Variants in NADK2 observed in about 807,000 individuals in gnomAD.
NADK2 encodes NAD kinase 2, mitochondrial.
A neutral mutation model predicts 62.1 loss-of-function variants in NADK2; 35 were observed. The ratio of observed to expected loss-of-function variants is 0.56; its 90% CI spans 0.43 to 0.75. The LOEUF (loss-of-function observed/expected upper bound fraction) is 0.75. Among genes scored for constraint, NADK2 ranks in the 30% least tolerant of loss-of-function variants. NADK2 has a pLI of 0.00. For synonymous variants in NADK2, 205 were observed against 207.9 expected, an observed-to-expected ratio of 0.99 and a Z score of 0.12; for missense variants, 439 against 561.3, an observed-to-expected ratio of 0.78 and a Z score of 2.20.
At chr5:36,207,964 T>C (rs1579606567) in intron 7 of NADK2, among the ~76,000 whole-genome samples, 1 of 152,128 alleles carries the variant, frequency 6.6e-6, no homozygotes, top group Non-Finnish European at 1.5e-5. Context: ...CATAAATGAT[T>C]TGTAACTATT....
At chr5:36,228,129 G>T (rs375025425) in intron 1 of NADK2, among the ~76,000 whole-genome samples, 2 of 151,860 alleles carry the variant, frequency 1.3e-5, no homozygotes, top group Non-Finnish European at 2.9e-5. Context: ...CTAAACAAAG[G>T]GCTGACTAGC....
At position 36,207,162 on chromosome 5, in the gene NADK2, T is replaced by C. The variant is rs768528783; in HGVS notation, c.956+8A>G. 3.7e-6 allele frequency: 6 copies of C among 1,606,524 alleles called. No homozygotes were observed. Among genetic ancestry groups the C allele is most frequent in the Admixed American group, 1.7e-5 (1 of 59,518 alleles). Reference sequence around the variant, plus strand: ...AAAACTTGATAAGCAACATCCCAAGTTACTCACCAGGCCTTTGATCCTGTT... The same window carrying C: ...AAAACTTGATAAGCAACATCCCAAGCTACTCACCAGGCCTTTGATCCTGTT... On this transcript the variant is annotated splice_region_variant and intron_variant, in intron 8 of 11. Coordinates refer to ENST00000381937, the MANE Select transcript of NADK2 (RefSeq NM_001085411.3).
intron 1 of NADK2, among the ~76,000 whole-genome samples, chr5:36,239,038 GT>G (rs1343558576): frequency 7.2e-5 from 11 of 152,038 alleles, no homozygotes; most frequent in African/African-American, 2.7e-4. Flanking sequence ...AAACAGACCT[GT>G]TTTACATCAA....
chr5:36,205,207 A>G lies in NADK2; in HGVS notation c.956+1963T>C, dbSNP rs547107430. On this transcript the variant is annotated intron_variant, in intron 8 of 11. Coordinates refer to ENST00000381937, the MANE Select transcript of NADK2 (RefSeq NM_001085411.3). This position sits in a 1 kb window ranked among gnomAD's most constrained non-coding sequence, Gnocchi z 4.1. ...CTGGGTACTAGCATATTAGATAACT[A>G]ATAATGTAATAGCGGCTATAATAGT... Among the ~76,000 whole-genome samples, 2 of 152,244 alleles carry G rather than the reference A, an allele frequency of 1.3e-5. No homozygotes were observed. Among genetic ancestry groups the G allele is most frequent in the East Asian group, 3.9e-4 (2 of 5,188 alleles).
At chr5:36,215,711 GCTTGA>G (rs1747017596) in intron 6 of NADK2, among the ~76,000 whole-genome samples, 2 of 152,230 alleles carry the variant, frequency 1.3e-5, no homozygotes, top group South Asian at 2.1e-4. Context: ...GTCTTTCTAT[GCTTGA>G]CTTATTTCGC....
At chr5:36,223,166 T>C (rs1475350969) in intron 4 of NADK2, among the ~76,000 whole-genome samples, 1 of 152,054 alleles carries the variant, frequency 6.6e-6, no homozygotes, top group African/African-American at 2.4e-5. Flanking sequence ...CAGGAGAAGT[T>C]TGTCACCCTA....
intron 1 of NADK2, among the ~76,000 whole-genome samples, chr5:36,234,240 G>A (rs1200545432): frequency 4.6e-5 from 7 of 151,340 alleles, no homozygotes; most frequent in Non-Finnish European, 7.4e-5. Context: ...GGGCATGGTG[G>A]CGCGCGCCTG....
chr5:36,209,821 T>C (rs1157342711), intron 7 of NADK2, among the ~76,000 whole-genome samples: 1 of 152,172 alleles, frequency 6.6e-6, no homozygotes, highest in East Asian at 1.9e-4. Context: ...CATCTTTACA[T>C]CCCTAGTGAC....
chr5:36,206,277 G>A (rs1579604183), intron 8 of NADK2, among the ~76,000 whole-genome samples: 1 of 142,510 alleles, frequency 7.0e-6, no homozygotes, highest in Admixed American at 7.3e-5. Flanking sequence ...ATGTACCCTA[G>A]AACTTAAAGT....
At chr5:36,199,831 GAGA>G (rs1028474395) in intron 10 of NADK2, among the ~76,000 whole-genome samples, 3 of 151,952 alleles carry the variant, frequency 2.0e-5, no homozygotes, top group Non-Finnish European at 2.9e-5. Context: ...CAAAACTAGG[GAGA>G]AGAATGTTAA....
At position 36,200,230 on chromosome 5, in the gene NADK2, T is replaced by A. The variant is rs1746385307; in HGVS notation, c.1063A>T (p.Lys355Ter). ...ATTATTATCATTTGTCACTGACCTT[T>A]CTCTACCAATTCTCTGTTCAATGGA... ...SLPLNRELVE[K>*]VTNEYNESLL... is the part of the protein sequence containing the mutation. Residue 355 changes from lysine (K) to a stop codon, truncating the protein, a stop_gained, in exon 10 of 12, where the codon AAA (lysine) becomes TAA (stop). Transcript: ENST00000381937. LOFTEE classifies it high-confidence loss of function. 6.3e-7 allele frequency: 1 copy of A among 1,579,926 alleles called. No homozygotes were observed. The highest frequency in any genetic ancestry group is 1.8e-5 in the Admixed American group (1 of 56,020).
chr5:36,201,839 C>A (rs1330203620), intron 8 of NADK2, among the ~76,000 whole-genome samples: 1 of 151,828 alleles, frequency 6.6e-6, no homozygotes, highest in East Asian at 1.9e-4. Context: ...ATGTGCAATG[C>A]CTTGCTTAAC....
At chr5:36,238,626 C>T (rs1747995354) in intron 1 of NADK2, among the ~76,000 whole-genome samples, 2 of 152,096 alleles carry the variant, frequency 1.3e-5, no homozygotes, top group Admixed American at 1.3e-4. Flanking sequence ...GTGTCAAGGA[C>T]CCTGTTAATA....
chr5:36,214,110 C>A (rs1018700048), intron 6 of NADK2, among the ~76,000 whole-genome samples: 1 of 152,154 alleles, frequency 6.6e-6, no homozygotes, highest in Non-Finnish European at 1.5e-5. Context: ...GACTACTAAA[C>A]CTTATCTAAT....
chr5:36,219,714 G>C, intron 4 of NADK2, 35 bp from the exon 5 acceptor site: 1 of 1,553,922 alleles, frequency 6.4e-7, no homozygotes, highest in Non-Finnish European at 8.8e-7. Flanking sequence ...GTGATATAAA[G>C]AGGAAAAGAA....
At chr5:36,238,107 T>C (rs1289537229) in intron 1 of NADK2, among the ~76,000 whole-genome samples, 1 of 152,188 alleles carries the variant, frequency 6.6e-6, no homozygotes, top group Non-Finnish European at 1.5e-5. Flanking sequence ...TTTAATTTGA[T>C]TAACAATCAT....
rs546849058 is a variant in NADK2 at position 36,205,956 on chromosome 5, T to C, written c.956+1214A>G. 6.6e-6 allele frequency among the ~76,000 whole-genome samples: 1 copy of C among 152,230 alleles called. No individual in the cohort carries two copies. Among genetic ancestry groups the C allele is most frequent in the South Asian group, 2.1e-4 (1 of 4,824 alleles). On this transcript the variant is annotated intron_variant, in intron 8 of 11. Coordinates refer to ENST00000381937, the MANE Select transcript of NADK2 (RefSeq NM_001085411.3). This position sits in a 1 kb window ranked among gnomAD's most constrained non-coding sequence, Gnocchi z 4.1. ...GGCACATATATACCATGGAATACTA[T>C]GCAGCCATAAAAAAGAATGAGTTCA...
intron 11 of NADK2, among the ~76,000 whole-genome samples, 158 bp downstream of exon 11, chr5:36,197,383 G>A (rs1158288437): frequency 1.3e-5 from 2 of 152,030 alleles, no homozygotes; most frequent in Non-Finnish European, 2.9e-5. Flanking sequence ...TTTTAGCCGG[G>A]TTAGCATGAT....
intron 9 of NADK2, 59 bp from the exon 10 acceptor site, chr5:36,200,339 A>T: frequency 6.3e-6 from 7 of 1,105,446 alleles, no homozygotes; most frequent in Non-Finnish European, 7.3e-6. Flanking sequence ...TTATATATAT[A>T]TTTTCCTTGA....
Sources: allele counts gnomAD v4.1 joint callset (sites outside exome capture counted in the v4.1 genomes callset), GRCh38; gene constraint gnomAD v4.1.1; non-coding constraint Gnocchi (gnomAD v3.1); transcripts MANE v1.5; gene names NCBI Gene and HGNC (gene_info 2026-07-23, HGNC 2026-07-21).